Variants in ITFG1 observed in about 807,000 individuals in gnomAD.
ITFG1 encodes T-cell immunomodulatory protein.
A neutral mutation model predicts 81.8 loss-of-function variants in ITFG1; 34 were observed. The observed-to-expected ratio is 0.42, with a 90% CI of 0.32 to 0.55. The LOEUF (loss-of-function observed/expected upper bound fraction) is 0.55, where lower values mean the gene tolerates loss of function less well. ITFG1 is among the 20% of genes least tolerant of loss of function. The pLI, the probability that ITFG1 is intolerant of heterozygous loss-of-function variation, is 0.17. For synonymous variants in ITFG1, 285 were observed against 270.6 expected (o/e 1.05, Z -0.52); for missense variants, 672 against 755.4 (o/e 0.89, Z 1.29).
rs1331144478 is a variant in ITFG1 at position 47,454,053 on chromosome 16, T to C, written c.387A>G (p.Glu129=). Reference sequence around the variant, plus strand: ...GTCCCCAGAAGATAACAGCTCCTAATTCACTCTTGGCATAATTTTTGGGAA... The same window carrying C: ...GTCCCCAGAAGATAACAGCTCCTAACTCACTCTTGGCATAATTTTTGGGAA... The part of the protein sequence containing the change: ...TYLPKNYAKS[E]LGAVIFWGQN... The change falls in exon 3 of 18, where the codon GAA becomes GAG. Residue 129 remains glutamate, a synonymous_variant. Coordinates refer to ENST00000320640, the MANE Select transcript of ITFG1 (RefSeq NM_030790.5). The C allele has an allele frequency of 6.2e-7, 1 of 1,610,628 alleles. No homozygotes were observed. Among genetic ancestry groups the C allele is most frequent in the African/African-American group, 1.3e-5 (1 of 74,842 alleles).
intron 8 of ITFG1, among the ~76,000 whole-genome samples, chr16:47,348,698 A>C (rs1967899117): frequency 6.6e-6 from 1 of 152,190 alleles, no homozygotes; most frequent in South Asian, 2.1e-4. Context: ...CAAATTCAGG[A>C]AATACAGAGA....
chr16:47,430,704 A>T (rs1028474718), intron 5 of ITFG1, among the ~76,000 whole-genome samples: 1 of 152,204 alleles, frequency 6.6e-6, no homozygotes, highest in African/African-American at 2.4e-5. Context: ...CACACTACAT[A>T]CAAAATTTAA....
chr16:47,163,971 C>CA (rs1371166186), intron 14 of ITFG1, among the ~76,000 whole-genome samples: 1 of 148,140 alleles, frequency 6.8e-6, no homozygotes, highest in Non-Finnish European at 1.5e-5. Flanking sequence ...ACACACACAC[C>CA]AATTAAGTAA....
intron 10 of ITFG1, among the ~76,000 whole-genome samples, chr16:47,291,946 A>G (rs1397465082): frequency 6.6e-6 from 1 of 150,874 alleles, no homozygotes; most frequent in Non-Finnish European, 1.5e-5. Context: ...TTTTCTGGTA[A>G]CTGTTGATTT....
chr16:47,394,687 T>C (rs1036972828), intron 6 of ITFG1, among the ~76,000 whole-genome samples: 4 of 152,178 alleles, frequency 2.6e-5, no homozygotes, highest in Middle Eastern at 3.4e-3. Flanking sequence ...TAAAAGGTCA[T>C]CCTACATAAT....
intron 10 of ITFG1, among the ~76,000 whole-genome samples, chr16:47,278,362 G>T (rs2151549061): frequency 1.3e-5 from 2 of 152,302 alleles, no homozygotes; most frequent in Middle Eastern, 6.8e-3. Context: ...AAAGGTGATT[G>T]GAAGACGCCA....
chr16:47,408,545 T>C (rs1347561578), intron 6 of ITFG1, among the ~76,000 whole-genome samples: 1 of 152,200 alleles, frequency 6.6e-6, no homozygotes, highest in Non-Finnish European at 1.5e-5. Context: ...GAGGACTATA[T>C]ATTTAATATC....
chr16:47,402,901 T>A (rs959946280), intron 6 of ITFG1, among the ~76,000 whole-genome samples: 1 of 152,132 alleles, frequency 6.6e-6, no homozygotes, highest in Admixed American at 6.5e-5. Context: ...CTACAAACTA[T>A]CTGAACCGAA....
chr16:47,414,720 A>G (rs1968853377), intron 6 of ITFG1, among the ~76,000 whole-genome samples: 1 of 152,204 alleles, frequency 6.6e-6, no homozygotes, highest in Non-Finnish European at 1.5e-5. Context: ...TGCAAAGAAC[A>G]CTTCAGGAAG....
At chr16:47,328,340 A>C (rs1386461416) in intron 8 of ITFG1, among the ~76,000 whole-genome samples, 7 of 152,132 alleles carry the variant, frequency 4.6e-5, no homozygotes, top group Non-Finnish European at 1.0e-4. Flanking sequence ...GGAAGGCGGG[A>C]GCGATAGCAT....
At chr16:47,378,482 G>A (rs1234657433) in intron 6 of ITFG1, among the ~76,000 whole-genome samples, 1 of 152,090 alleles carries the variant, frequency 6.6e-6, no homozygotes, top group Admixed American at 6.5e-5. Context: ...TTTTCCACTG[G>A]TGTTCTATTA....
chr16:47,356,665 T>A (rs1968043966), intron 8 of ITFG1, among the ~76,000 whole-genome samples: 3 of 152,312 alleles, frequency 2.0e-5, no homozygotes, highest in South Asian at 2.1e-4. Context: ...ATTATTCAGC[T>A]CTTCATTGGG....
At chr16:47,285,461 T>C (rs1274266800) in intron 10 of ITFG1, among the ~76,000 whole-genome samples, 1 of 152,278 alleles carries the variant, frequency 6.6e-6, no homozygotes, top group Non-Finnish European at 1.5e-5. Flanking sequence ...AATTAACTCA[T>C]ACCAAAGGAG....
At chr16:47,186,844 C>T (rs1965224795) in intron 14 of ITFG1, among the ~76,000 whole-genome samples, 1 of 152,192 alleles carries the variant, frequency 6.6e-6, no homozygotes, top group African/African-American at 2.4e-5. Context: ...GACGACATGA[C>T]TGTATATCTA....
chr16:47,239,057 G>T (rs1034622725), intron 12 of ITFG1, among the ~76,000 whole-genome samples: 8 of 152,176 alleles, frequency 5.3e-5, no homozygotes, highest in Non-Finnish European at 1.0e-4. Flanking sequence ...CTTCTGCCAT[G>T]TGAGGACGTG....
intron 8 of ITFG1, among the ~76,000 whole-genome samples, chr16:47,326,944 T>C (rs1406742364): frequency 6.6e-6 from 1 of 152,142 alleles, no homozygotes; most frequent in African/African-American, 2.4e-5. Flanking sequence ...AAGCTACCAA[T>C]GACTTTCTTC....
At position 47,155,511 on chromosome 16, in the gene ITFG1, A is replaced by G. The variant is rs1460185310; in HGVS notation, c.*208T>C. 4.9e-6 allele frequency: 2 copies of G among 409,306 alleles called. No homozygotes were observed. Among genetic ancestry groups the G allele is most frequent in the Non-Finnish European group, 8.6e-6 (2 of 231,984 alleles). 25.4% of individuals were successfully genotyped at this position (409,306 alleles called of 1,614,324 possible). ...ACAAAAATGTACAGCACTACAGAAT[A>G]GAGAACCCAAATTTTTATATACAAA... is the stretch of plus-strand genomic sequence containing the variant. On this transcript the variant is annotated 3_prime_UTR_variant, in exon 18 of 18. Coordinates refer to ENST00000320640, the MANE Select transcript of ITFG1 (RefSeq NM_030790.5).
upstream of ITFG1, chr16:47,461,244 C>T: frequency 1.9e-6 from 2 of 1,053,568 alleles, no homozygotes; most frequent in Non-Finnish European, 1.4e-6. Flanking sequence ...CGCCCTCACG[C>T]TCACTTCCGG....
intron 5 of ITFG1, among the ~76,000 whole-genome samples, chr16:47,440,892 C>A (rs1375916756): frequency 6.6e-6 from 1 of 152,124 alleles, no homozygotes; most frequent in Non-Finnish European, 1.5e-5. Context: ...ATCAATGAAT[C>A]CAGGAGCTGG....
Sources: gnomAD v4.1 joint callset for allele counts (sites outside exome capture counted in the v4.1 genomes callset) on GRCh38, gnomAD v4.1.1 for gene constraint, MANE v1.5 for transcripts, NCBI Gene and HGNC (gene_info 2026-07-23, HGNC 2026-07-21) for gene names.